Variants in RELCH observed in about 807,000 individuals in gnomAD.
RELCH encodes RAB11 binding and LisH domain, coiled-coil and HEAT repeat containing, also known as RAB11-binding protein RELCH.
Under a neutral mutation model 150.3 loss-of-function variants are expected in RELCH, and 41 were observed. That is an observed-to-expected ratio of 0.27 (90% CI 0.21 to 0.35). RELCH has a LOEUF of 0.35. Among genes scored for constraint, RELCH ranks in the 10% least tolerant of loss-of-function variants. RELCH has a pLI of 1.00. For missense variants in RELCH, 1,092 were observed against 1,467.8 expected (o/e 0.74, Z 4.18); for synonymous variants, 478 against 531.8 (o/e 0.90, Z 1.39).
At position 62,247,967 on chromosome 18, in the gene RELCH, A is replaced by G. The variant is rs146057210; in HGVS notation, c.1733+3091A>G. Reference sequence around the variant, plus strand: ...AGAAACTCTTCAACCATAGCTCATAATACATCCTGATGGACAAAATGTAAA... The same window carrying G: ...AGAAACTCTTCAACCATAGCTCATAGTACATCCTGATGGACAAAATGTAAA... On this transcript the variant is annotated intron_variant, in intron 11 of 28. Transcript: ENST00000644646. Among the ~76,000 whole-genome samples, 5 of 152,290 alleles carry G rather than the reference A, an allele frequency of 3.3e-5. No homozygotes were observed. In the East Asian group the frequency reaches 9.6e-4, roughly 29 times the overall value.
At chr18:62,276,126 G>A (rs1411197112) in intron 22 of RELCH, among the ~76,000 whole-genome samples, 2 of 152,168 alleles carry the variant, frequency 1.3e-5, no homozygotes, top group Non-Finnish European at 2.9e-5. Context: ...GTGGGGAGCA[G>A]TGAGGTTGAG....
At position 62,187,768 on chromosome 18, in the gene RELCH, C is replaced by A. The variant is rs756998932; in HGVS notation, c.263C>A (p.Thr88Asn). The change falls in exon 1 of 29, where the codon ACC becomes AAC. Residue 88 changes from threonine to asparagine, a missense_variant. Thr to Asn is a moderately conservative substitution (Grantham distance 65). Coordinates refer to ENST00000644646, the MANE Select transcript of RELCH (RefSeq NM_001346231.2). ...AAVALGGTGE[T>N]PARLSIDAIA... is the part of the protein sequence containing the mutation. ...GTGGCCCTGGGGGGCACCGGGGAGACCCCGGCCCGATTATCAATTGATGCG... is the reference window on the plus strand; with the variant it reads ...GTGGCCCTGGGGGGCACCGGGGAGAACCCGGCCCGATTATCAATTGATGCG... 9.9e-5 allele frequency: 160 copies of A among 1,609,622 alleles called. No homozygotes were observed. The highest frequency in any genetic ancestry group is 1.1e-4 in the Non-Finnish European group (130 of 1,177,940).
At chr18:62,192,135 T>C (rs1309143959) in intron 1 of RELCH, among the ~76,000 whole-genome samples, 1 of 152,240 alleles carries the variant, frequency 6.6e-6, no homozygotes, top group East Asian at 1.9e-4. Flanking sequence ...TTTGCATTTC[T>C]CTAATGATCA....
chr18:62,194,313 G>T, intron 1 of RELCH, among the ~76,000 whole-genome samples: 1 of 152,216 alleles, frequency 6.6e-6, no homozygotes, highest in East Asian at 1.9e-4. Flanking sequence ...CCAGTTGACT[G>T]TTTTTTTCTT....
chr18:62,187,761 G>A lies in RELCH; in HGVS notation c.256G>A (p.Gly86Arg). 2 of 1,611,096 alleles carry A rather than the reference G, an allele frequency of 1.2e-6. No individual in the cohort carries two copies. Among genetic ancestry groups the A allele is most frequent in the Non-Finnish European group, 1.7e-6 (2 of 1,178,588 alleles). Residue 86 changes from glycine to arginine, a missense_variant, in exon 1 of 29, where the codon GGG (glycine) becomes AGG (arginine). By Grantham distance (125) the Gly-to-Arg change is moderately radical. Around this residue, in one of 4 missense-constraint regions of RELCH, gnomAD observed 138 missense variants for 124.8 expected, o/e 1.11. Coordinates refer to ENST00000644646, the MANE Select transcript of RELCH (RefSeq NM_001346231.2). ...GGCTGCAGTGGCCCTGGGGGGCACC[G>A]GGGAGACCCCGGCCCGATTATCAAT... ...SAAAVALGGT[G>R]ETPARLSIDA...
At chr18:62,273,642 G>T (rs1568416430) in intron 20 of RELCH, among the ~76,000 whole-genome samples, 1 of 152,122 alleles carries the variant, frequency 6.6e-6, no homozygotes, top group South Asian at 2.1e-4. Flanking sequence ...CACTTGCCAC[G>T]TGTGTCTATT....
chr18:62,246,445 A>G (rs896051028), intron 11 of RELCH: 5 of 152,232 alleles, frequency 3.3e-5, no homozygotes, highest in Non-Finnish European at 7.3e-5. Context: ...GGTTTAAGGT[A>G]GTGATAGGTT....
chr18:62,234,215 A>C (rs2041752898), intron 10 of RELCH, among the ~76,000 whole-genome samples: 1 of 151,850 alleles, frequency 6.6e-6, no homozygotes, highest in Admixed American at 6.6e-5. Context: ...ATATTGAATT[A>C]CTTTTTAATA....
chr18:62,189,193 C>T (rs964643682), intron 1 of RELCH, among the ~76,000 whole-genome samples: 1 of 149,686 alleles, frequency 6.7e-6, no homozygotes, highest in African/African-American at 2.5e-5. Context: ...CATTGCTGAC[C>T]TTTAAGACTA....
In RELCH at chr18:62,282,286, G is replaced by T. The variant is rs763987705; in HGVS notation, c.3115-20G>T. On this transcript the variant is annotated intron_variant, in intron 24 of 28. Transcript: ENST00000644646. ...GTTTTCAATATTCTATGAAATGACT[G>T]TACAATATCCAATTTTAAGTTGCTG... 1 of 1,603,802 alleles carries T rather than the reference G, an allele frequency of 6.2e-7. No homozygotes were observed. The highest frequency in any genetic ancestry group is 1.3e-5 in the African/African-American group (1 of 74,614).
chr18:62,221,382 A>T lies in RELCH; in HGVS notation c.745-2A>T. The T allele has an allele frequency of 6.3e-7, 1 of 1,592,574 alleles. No individual in the cohort carries two copies. The highest frequency in any genetic ancestry group is 8.6e-7 in the Non-Finnish European group (1 of 1,161,340). ...CCTGTTTGCCTCTTATTTTGCTTCC[A>T]GGAGCCAATCAAACCTCTTGAAAAG... is the stretch of plus-strand genomic sequence containing the variant. On this transcript the variant is annotated splice_acceptor_variant, in intron 4 of 28. Transcript: ENST00000644646. LOFTEE classifies it high-confidence loss of function.
intron 11 of RELCH, chr18:62,247,502 T>C (rs2042475989): frequency 6.6e-6 from 1 of 152,032 alleles, no homozygotes; most frequent in African/African-American, 2.4e-5. Context: ...AAGTAATAGA[T>C]TTGAGACTAT....
At chr18:62,197,828 A>G (rs904087071) in intron 1 of RELCH, among the ~76,000 whole-genome samples, 21 of 152,216 alleles carry the variant, frequency 1.4e-4, no homozygotes, top group African/African-American at 5.1e-4. Context: ...GCTTCATCAT[A>G]GTAGCTGTGG....
At chr18:62,198,286 G>A (rs780785330) in intron 1 of RELCH, among the ~76,000 whole-genome samples, 1 of 152,128 alleles carries the variant, frequency 6.6e-6, no homozygotes, top group South Asian at 2.1e-4. Context: ...AAACTAACAA[G>A]GCCAAATTAG....
At chr18:62,304,345 A>G (rs2045792142) in intron 28 of RELCH, among the ~76,000 whole-genome samples, 2 of 152,178 alleles carry the variant, frequency 1.3e-5, no homozygotes, top group African/African-American at 4.8e-5. Flanking sequence ...CAATGTGGAG[A>G]AGCTTTTCAA....
At position 62,287,343 on chromosome 18, in the gene RELCH, GT is replaced by G; in HGVS notation, c.3254-4del. 6.9e-7 allele frequency: 1 copy of G among 1,455,048 alleles called. No homozygotes were observed. Among genetic ancestry groups the G allele is most frequent in the Non-Finnish European group, 9.6e-7 (1 of 1,042,392 alleles). The allele number at this position is 1,455,048 out of a possible 1,614,324, so 90.1% of individuals were successfully genotyped here. A position where few individuals can be genotyped will look rare whatever the true frequency, so the allele number is the denominator to read the frequency against. On this transcript the variant is annotated splice_region_variant and splice_polypyrimidine_tract_variant and intron_variant, in intron 25 of 28. Transcript: ENST00000644646. The stretch of plus-strand genomic sequence containing the variant: ...GTAAAAATTTAACCCTTTTTTTTCT[GT>G]TTTCAGTTGTTATACCACATTTGCA...
At chr18:62,216,756 G>T (rs1282851364) in intron 2 of RELCH, among the ~76,000 whole-genome samples, 1 of 151,976 alleles carries the variant, frequency 6.6e-6, no homozygotes, top group Admixed American at 6.6e-5. Context: ...ACCTGTCCCT[G>T]TCCCCTGGAT....
At chr18:62,211,927 G>A (rs117271111) in intron 2 of RELCH, among the ~76,000 whole-genome samples, 560 of 152,268 alleles carry the variant, frequency 3.7e-3, no homozygotes, top group Middle Eastern at 0.01. Flanking sequence ...AAAAAAGAGG[G>A]TTAAAGAGGG....
intron 26 of RELCH, among the ~76,000 whole-genome samples, chr18:62,288,319 T>C (rs2044926874): frequency 6.6e-6 from 1 of 152,130 alleles, no homozygotes; most frequent in East Asian, 1.9e-4. Context: ...GATTATTATA[T>C]GTGGTTCACA....
Sources: allele counts gnomAD v4.1 joint callset (sites outside exome capture counted in the v4.1 genomes callset), GRCh38; gene constraint gnomAD v4.1.1; regional missense constraint gnomAD v4.1.1; transcripts MANE v1.5; gene names NCBI Gene and HGNC (gene_info 2026-07-23, HGNC 2026-07-21).